Variants in GRIN3A observed in about 807,000 individuals in gnomAD.
GRIN3A encodes glutamate receptor ionotropic, NMDA 3A.
GRIN3A carries 47 observed loss-of-function variants against 92.4 expected under a neutral mutation model. The observed-to-expected ratio is 0.51, with a 90% confidence interval of 0.40 to 0.65. The LOEUF (loss-of-function observed/expected upper bound fraction) is 0.65, where lower values mean the gene tolerates loss of function less well. Ranked by LOEUF, GRIN3A falls within the 30% of genes least tolerant of loss-of-function variation. The pLI, the probability that GRIN3A is intolerant of heterozygous loss-of-function variation, is 0.00. For synonymous variants in GRIN3A, 527 were observed against 540.6 expected, an observed-to-expected ratio of 0.97 and a Z score of 0.35; for missense variants, 1,324 against 1,393.1, an observed-to-expected ratio of 0.95 and a Z score of 0.79.
At position 101,670,722 on chromosome 9, in the gene GRIN3A, T is replaced by C. The variant is rs375550935; in HGVS notation, c.1690A>G (p.Ser564Gly). ...AATTTAATGGGCACTGTATCATTAC[T>C]GCTATGGAGGCTGCTAAAAAGGCTG... is the stretch of plus-strand genomic sequence containing the variant. ...LDSLFSSLHS[S>G]NDTVPIKFKK... The change falls in exon 3 of 9, where the codon AGT becomes GGT. Residue 564 changes from serine to glycine, a missense_variant. Transcript: ENST00000361820. 1.9e-6 allele frequency: 3 copies of C among 1,613,968 alleles called. No homozygotes were observed. In the African/African-American group the frequency reaches 4.0e-5, roughly 22 times the overall value.
At chr9:101,653,510 C>G (rs1829039547) in intron 3 of GRIN3A, among the ~76,000 whole-genome samples, 1 of 151,850 alleles carries the variant, frequency 6.6e-6, no homozygotes, top group African/African-American at 2.4e-5. Context: ...AAAATCCTAT[C>G]ATTTTTTATT....
intron 1 of GRIN3A, among the ~76,000 whole-genome samples, chr9:101,699,873 C>A (rs1474174348): frequency 6.6e-6 from 1 of 152,186 alleles, no homozygotes; most frequent in East Asian, 1.9e-4. Flanking sequence ...AGTTCTCTTG[C>A]CTCTACATCC....
chr9:101,615,070 CTG>C (rs1423709065), intron 5 of GRIN3A, among the ~76,000 whole-genome samples: 2 of 151,988 alleles, frequency 1.3e-5, no homozygotes, highest in African/African-American at 4.8e-5. Flanking sequence ...AGCTTAGACT[CTG>C]TATCCTCACA....
At chr9:101,681,187 C>T (rs764186953) in intron 2 of GRIN3A, among the ~76,000 whole-genome samples, 9 of 151,930 alleles carry the variant, frequency 5.9e-5, no homozygotes, top group South Asian at 2.1e-4. Context: ...CCCCAGAGTC[C>T]GATGTTCAGA....
intron 2 of GRIN3A, among the ~76,000 whole-genome samples, chr9:101,674,469 GTT>G: frequency 6.8e-6 from 1 of 147,794 alleles, no homozygotes; most frequent in East Asian, 2.0e-4. Flanking sequence ...GAGATATTTT[GTT>G]TTCAAAAAGG....
chr9:101,609,426 A>G (rs778470076), intron 6 of GRIN3A, among the ~76,000 whole-genome samples: 5 of 152,212 alleles, frequency 3.3e-5, no homozygotes, highest in Non-Finnish European at 4.4e-5. Flanking sequence ...GTTTTATCAT[A>G]CCCATTCATA....
At position 101,570,166 on chromosome 9, in the gene GRIN3A, G is replaced by A. The variant is rs1267054976; in HGVS notation, c.*3008C>T. 6.6e-6 allele frequency: 1 copy of A among 152,108 alleles called. No individual in the cohort carries two copies. Among genetic ancestry groups the A allele is most frequent in the East Asian group, 1.9e-4 (1 of 5,186 alleles). 9.4% of individuals were successfully genotyped at this position (152,108 alleles called of 1,614,324 possible). On this transcript the variant is annotated 3_prime_UTR_variant, in exon 9 of 9. Transcript: ENST00000361820. ...GGAAGCATACACACTCTGGGGCCTTGATTATTCTTATTTACACGAACCAGG... is the reference window on the plus strand; with the variant it reads ...GGAAGCATACACACTCTGGGGCCTTAATTATTCTTATTTACACGAACCAGG...
intron 3 of GRIN3A, among the ~76,000 whole-genome samples, chr9:101,651,001 A>G (rs1829008529): frequency 6.6e-6 from 1 of 151,994 alleles, no homozygotes; most frequent in African/African-American, 2.4e-5. Flanking sequence ...GTCAGGATGT[A>G]GTATAAATAT....
chr9:101,686,584 C>G lies in GRIN3A; in HGVS notation c.1304+12G>C. The stretch of plus-strand genomic sequence containing the variant: ...CTATGAATGGGGATATAACCGAGAC[C>G]TTGCATCCTACCTTGATAAATATTG... On this transcript the variant is annotated intron_variant, in intron 2 of 8. Transcript: ENST00000361820. 6.2e-7 allele frequency: 1 copy of G among 1,614,064 alleles called. No homozygotes were observed. The highest frequency in any genetic ancestry group is 1.3e-5 in the African/African-American group (1 of 75,046).
At chr9:101,659,154 A>G (rs1829135360) in intron 3 of GRIN3A, among the ~76,000 whole-genome samples, 1 of 151,872 alleles carries the variant, frequency 6.6e-6, no homozygotes, top group Admixed American at 6.6e-5. Context: ...GCAAACCATC[A>G]TTAACTTAGT....
intron 6 of GRIN3A, chr9:101,601,001 A>C (rs537957893): frequency 6.6e-6 from 1 of 152,362 alleles, no homozygotes; most frequent in African/African-American, 2.4e-5. Flanking sequence ...GGACAACAAA[A>C]CATGTCATCA....
At chr9:101,597,451 G>A (rs921571145) in intron 6 of GRIN3A, among the ~76,000 whole-genome samples, 3 of 152,204 alleles carry the variant, frequency 2.0e-5, no homozygotes, top group African/African-American at 7.2e-5. Flanking sequence ...CTCTATAGGA[G>A]AGAGGAAGCA....
intron 8 of GRIN3A, among the ~76,000 whole-genome samples, chr9:101,574,272 C>T (rs938429034): frequency 2.0e-5 from 3 of 152,186 alleles, no homozygotes; most frequent in African/African-American, 4.8e-5. Context: ...CAAATAGTCA[C>T]AGGGGAAGGC....
Position 101,670,909 on chromosome 9 carries a change from C to T in GRIN3A, c.1503G>A (p.Gln501=). 6.2e-7 allele frequency: 1 copy of T among 1,612,756 alleles called. No individual in the cohort carries two copies. The highest frequency in any genetic ancestry group is 1.1e-5 in the South Asian group (1 of 91,012). Residue 501 remains glutamine, a synonymous_variant, in exon 3 of 9, where the codon CAG becomes CAA. Transcript: ENST00000361820. The stretch of plus-strand genomic sequence containing the variant: ...GATGTTGGAAGTGGGTTTTGTGTCT[C>T]TGGGCCTGCTCTGGCCATATTCCAT... ...MDYGIWPEQA[Q]RHKTHFQHPS...
chr9:101,723,172 A>C (rs1373301935), intron 1 of GRIN3A, among the ~76,000 whole-genome samples: 5 of 152,188 alleles, frequency 3.3e-5, no homozygotes, highest in African/African-American at 1.2e-4. Context: ...TTCAAGAATG[A>C]AGCCGCGGAC....
chr9:101,727,698 C>CT (rs1490968588), intron 1 of GRIN3A, among the ~76,000 whole-genome samples: 2 of 151,678 alleles, frequency 1.3e-5, no homozygotes, highest in African/African-American at 4.8e-5. Context: ...AGAAGAAGAT[C>CT]TTTTTGGTGA....
intron 3 of GRIN3A, among the ~76,000 whole-genome samples, chr9:101,632,034 C>T (rs530643184): frequency 4.6e-5 from 7 of 152,172 alleles, no homozygotes; most frequent in African/African-American, 1.7e-4. Context: ...ATGTTTGGCT[C>T]CTGCCTTCCT....
chr9:101,604,867 T>C (rs563033229), intron 6 of GRIN3A, among the ~76,000 whole-genome samples: 1 of 152,354 alleles, frequency 6.6e-6, no homozygotes, highest in South Asian at 2.1e-4. Flanking sequence ...TATAGTTGAC[T>C]AACCCTTCCC....
chr9:101,581,234 G>GGGA (rs1338157151), intron 6 of GRIN3A, among the ~76,000 whole-genome samples: 1 of 152,160 alleles, frequency 6.6e-6, no homozygotes, highest in African/African-American at 2.4e-5. Context: ...AGGCAGGATG[G>GGGA]GGAGGTTGGG....
Sources: gnomAD v4.1 joint callset for allele counts (sites outside exome capture counted in the v4.1 genomes callset) on GRCh38, gnomAD v4.1.1 for gene constraint, MANE v1.5 for transcripts, NCBI Gene and HGNC (gene_info 2026-07-23, HGNC 2026-07-21) for gene names.